The following CSMD2 variants were observed in gnomAD, a reference collection of about 807,000 sequenced individuals.
The protein encoded by CSMD2 is CUB and sushi domain-containing protein 2.
CSMD2 carries 130 observed loss-of-function variants against 398.5 expected under a neutral mutation model. That is an observed-to-expected ratio of 0.33 (90% confidence interval 0.28 to 0.38). The LOEUF is 0.38. CSMD2 is among the 10% of genes least tolerant of loss of function. CSMD2 has a pLI of 1.00. For missense variants in CSMD2, 3,829 were observed against 4,764.9 expected (o/e 0.80, Z 5.78); for synonymous variants, 1,828 against 1,908.5 (o/e 0.96, Z 1.10).
chr1:33,747,676 A>G lies in CSMD2; in HGVS notation c.1847-4070T>C, dbSNP rs887121115. Among the ~76,000 whole-genome samples, 6 of 152,218 alleles carry G rather than the reference A, an allele frequency of 3.9e-5. 1 individual carries two copies. The highest frequency in any genetic ancestry group is 1.4e-4 in the African/African-American group (6 of 41,458). On this transcript the variant is annotated intron_variant, in intron 13 of 70. Transcript: ENST00000373381. The stretch of plus-strand genomic sequence containing the variant: ...ATGTATACAGGTTAATCTCCCAGTA[A>G]TATACAACCCTCTCTTTGGGACAAA...
At chr1:34,160,045 A>C (rs922021440) in intron 1 of CSMD2, among the ~76,000 whole-genome samples, 3 of 152,188 alleles carry the variant, frequency 2.0e-5, no homozygotes. Flanking sequence ...GGTTCCCTTA[A>C]TCCTGCTGGC....
At chr1:33,741,119 G>A (rs1018414800) in intron 14 of CSMD2, among the ~76,000 whole-genome samples, 1 of 152,144 alleles carries the variant, frequency 6.6e-6, no homozygotes, top group East Asian at 1.9e-4. Flanking sequence ...TGTGGAAGAG[G>A]AATTAGCCTT....
At chr1:33,927,019 C>A (rs1644149400) in intron 4 of CSMD2, among the ~76,000 whole-genome samples, 1 of 152,182 alleles carries the variant, frequency 6.6e-6, no homozygotes. Flanking sequence ...CTGTTCATAT[C>A]ATCTTCCCCA....
intron 3 of CSMD2, among the ~76,000 whole-genome samples, chr1:33,945,330 A>G (rs868172537): frequency 4.6e-5 from 7 of 152,172 alleles, no homozygotes; most frequent in Non-Finnish European, 8.8e-5. Context: ...TTGAAATTCA[A>G]ATTTAACTGG....
chr1:33,864,619 A>T lies in CSMD2; in HGVS notation c.921-17623T>A, dbSNP rs753314015. 6.8e-6 allele frequency: 11 copies of T among 1,613,894 alleles called. No homozygotes were observed. In the East Asian group the frequency reaches 2.2e-4, roughly 33 times the overall value. ...ACAGACCTGGAGAAGCACCCTTATGAGCAAAGAGTGGCTCTCCTGAGAGCT... is the reference window on the plus strand; with the variant it reads ...ACAGACCTGGAGAAGCACCCTTATGTGCAAAGAGTGGCTCTCCTGAGAGCT... On this transcript the variant is annotated intron_variant, in intron 5 of 70. Coordinates refer to ENST00000373381, the MANE Select transcript of CSMD2 (RefSeq NM_001281956.2).
intron 3 of CSMD2, among the ~76,000 whole-genome samples, chr1:33,975,486 T>TATATACACAC (rs145373689): frequency 6.8e-6 from 1 of 146,360 alleles, no homozygotes; most frequent in African/African-American, 2.5e-5. Flanking sequence ...CTCCCAAGTG[T>TATATACACAC]ACACACACAC....
intron 2 of CSMD2, among the ~76,000 whole-genome samples, chr1:34,050,416 G>A (rs1653040549): frequency 6.6e-6 from 1 of 152,192 alleles, no homozygotes; most frequent in African/African-American, 2.4e-5. Context: ...TGCTGCTTCT[G>A]ACCAATAAAC....
intron 2 of CSMD2, among the ~76,000 whole-genome samples, chr1:34,060,512 GGAGCTCT>G (rs2148259151): frequency 6.6e-6 from 1 of 152,290 alleles, no homozygotes; most frequent in Non-Finnish European, 1.5e-5. Context: ...CAGCCTGGGG[GGAGCTCT>G]GAGGCTGCCT....
chr1:33,800,643 G>T (rs1655485073), intron 10 of CSMD2, among the ~76,000 whole-genome samples: 1 of 152,114 alleles, frequency 6.6e-6, no homozygotes, highest in South Asian at 2.1e-4. Flanking sequence ...GTGGGATGAG[G>T]GCTCAAACCA....
At chr1:33,855,191 C>T (rs796110796) in intron 5 of CSMD2, among the ~76,000 whole-genome samples, 13 of 152,302 alleles carry the variant, frequency 8.5e-5, no homozygotes, top group African/African-American at 3.1e-4. Flanking sequence ...GGCAGTTCTA[C>T]TCTCTTATGA....
intron 37 of CSMD2, among the ~76,000 whole-genome samples, chr1:33,618,441 AC>A (rs1338199334): frequency 6.6e-6 from 1 of 151,994 alleles, no homozygotes; most frequent in Non-Finnish European, 1.5e-5. Context: ...ATGGAATCCA[AC>A]TTTCTCATCC....
At chr1:33,922,317 AG>A (rs146117263) in intron 4 of CSMD2, among the ~76,000 whole-genome samples, 1 of 152,182 alleles carries the variant, frequency 6.6e-6, no homozygotes, top group African/African-American at 2.4e-5. Flanking sequence ...GTGGGAAGGG[AG>A]GGGCACTCAG....
intron 14 of CSMD2, among the ~76,000 whole-genome samples, chr1:33,741,572 T>C (rs1218025418): frequency 2.0e-5 from 3 of 152,244 alleles, no homozygotes; most frequent in Non-Finnish European, 4.4e-5. Flanking sequence ...TGTAATAGTG[T>C]CCACCAATTG....
intron 60 of CSMD2, 138 bp downstream of exon 60, chr1:33,540,387 T>C: frequency 1.3e-6 from 1 of 782,506 alleles, no homozygotes; most frequent in Non-Finnish European, 2.1e-6. Flanking sequence ...CCCTCTTTAA[T>C]AGTGTCTTTG....
intron 32 of CSMD2, among the ~76,000 whole-genome samples, chr1:33,627,590 G>T (rs1642209118): frequency 6.6e-6 from 1 of 152,210 alleles, no homozygotes; most frequent in African/African-American, 2.4e-5. Context: ...AGGTCCACCT[G>T]TACTTCCAGG....
At chr1:33,627,179 T>C (rs1642180656) in intron 32 of CSMD2, among the ~76,000 whole-genome samples, 1 of 152,238 alleles carries the variant, frequency 6.6e-6, no homozygotes, top group African/African-American at 2.4e-5. Context: ...ATGGTGGGAC[T>C]GTCCCAGGCA....
At chr1:33,683,279 GATT>G (rs764965787) in intron 25 of CSMD2, among the ~76,000 whole-genome samples, 1 of 152,162 alleles carries the variant, frequency 6.6e-6, no homozygotes, top group East Asian at 1.9e-4. Flanking sequence ...ATTTAAATGA[GATT>G]ATTATGTCTA....
intron 37 of CSMD2, among the ~76,000 whole-genome samples, chr1:33,618,198 G>A (rs1223218489): frequency 6.6e-6 from 1 of 152,040 alleles, no homozygotes; most frequent in Admixed American, 6.5e-5. Context: ...TCAAGGTCAG[G>A]CCAGCCCCTT....
At chr1:34,062,807 C>A (rs1200796146) in intron 2 of CSMD2, among the ~76,000 whole-genome samples, 1 of 152,310 alleles carries the variant, frequency 6.6e-6, no homozygotes, top group East Asian at 1.9e-4. Context: ...ACAGAACTGG[C>A]TATAGAAACC....
Sources: gnomAD v4.1 joint callset for allele counts (sites outside exome capture counted in the v4.1 genomes callset) on GRCh38, gnomAD v4.1.1 for gene constraint, MANE v1.5 for transcripts, NCBI Gene and HGNC (gene_info 2026-07-23, HGNC 2026-07-21) for gene names.